CTTNBP2: variants seen among roughly 807,000 people sequenced by gnomAD.
The protein encoded by CTTNBP2 is cortactin binding protein 2.
Under a neutral mutation model 156.9 loss-of-function variants are expected in CTTNBP2, and 108 were observed. That is an observed-to-expected ratio of 0.69 (90% confidence interval 0.59 to 0.81). The LOEUF is 0.81. Among genes scored for constraint, CTTNBP2 ranks in the 30% least tolerant of loss-of-function variants. The pLI, the probability that CTTNBP2 is intolerant of heterozygous loss-of-function variation, is 0.00. For missense variants in CTTNBP2, 1,924 were observed against 2,035.4 expected (o/e 0.95, Z 1.05); for synonymous variants, 767 against 751.8 (o/e 1.02, Z -0.33).
chr7:117,743,761 C>CAAAAAAAAAAAAAAAAAAAAAAAAAAAA (rs556372208), intron 14 of CTTNBP2, among the ~76,000 whole-genome samples: 1 of 19,624 alleles, frequency 5.1e-5, no homozygotes, highest in African/African-American at 1.5e-4. Context: ...GACTCTGTCT[C>CAAAAAAAAAAAAAAAAAAAAAAAAAAAA]AAAAAAAAAA....
chr7:117,754,831 T>C (rs192686357), intron 12 of CTTNBP2, among the ~76,000 whole-genome samples: 2 of 152,358 alleles, frequency 1.3e-5, no homozygotes, highest in Non-Finnish European at 2.9e-5. Context: ...CAGACACATA[T>C]ATAAGTGTAC....
At chr7:117,733,408 A>T (rs1482127056) in intron 16 of CTTNBP2, among the ~76,000 whole-genome samples, 1 of 152,212 alleles carries the variant, frequency 6.6e-6, no homozygotes, top group Non-Finnish European at 1.5e-5. Context: ...CTAGCGGGAG[A>T]GGGGTATACT....
At chr7:117,725,011 A>T in intron 18 of CTTNBP2, 41 bp downstream of exon 18, 5 of 1,555,614 alleles carry the variant, frequency 3.2e-6, no homozygotes, top group Non-Finnish European at 4.4e-6. Context: ...GTATTTCACA[A>T]GGGTGTGAAT....
rs769234391 is a variant in CTTNBP2 at position 117,792,527 on chromosome 7, C to T, written c.669G>A (p.Met223Ile). ...AGAGTTGTTTTTCCATCTGAGCTTC[C>T]ATTTCTGTGCTTCTTCGTTTCTCAG... ...LSAEKRRSTE[M>I]EAQMEKQLSE... is the part of the protein sequence containing the mutation. Residue 223 changes from methionine (M) to isoleucine (I), a missense_variant, in exon 4 of 23, where the codon ATG (methionine) becomes ATA (isoleucine). Coordinates refer to ENST00000160373, the MANE Select transcript of CTTNBP2 (RefSeq NM_033427.3). The surrounding 1 kb of genome is among the most constrained non-coding windows in gnomAD (Gnocchi z 4.2). The T allele has an allele frequency of 5.0e-6, 8 of 1,614,148 alleles. No individual in the cohort carries two copies. In the Admixed American group the frequency reaches 1.3e-4, roughly 27 times the overall value.
intron 14 of CTTNBP2, among the ~76,000 whole-genome samples, chr7:117,737,924 G>A (rs184656680): frequency 2.8e-4 from 43 of 152,340 alleles, no homozygotes; most frequent in Admixed American, 2.8e-3. Flanking sequence ...GAAGAATGGA[G>A]CTGGGCAGGA....
intron 2 of CTTNBP2, among the ~76,000 whole-genome samples, chr7:117,848,428 A>AT (rs1802735830): frequency 6.6e-6 from 1 of 152,128 alleles, no homozygotes; most frequent in African/African-American, 2.4e-5. Context: ...AAAAGCACCC[A>AT]TTTATACTCA....
chr7:117,755,665 G>A (rs1796844494), intron 12 of CTTNBP2: 3 of 428,916 alleles, frequency 7.0e-6, no homozygotes, highest in Non-Finnish European at 1.4e-5. Context: ...CTGGCATGTA[G>A]TAAGTATTTA....
chr7:117,722,644 G>A (rs932575100), intron 19 of CTTNBP2, among the ~76,000 whole-genome samples: 2 of 152,026 alleles, frequency 1.3e-5, no homozygotes, highest in African/African-American at 4.8e-5. Flanking sequence ...TATTCATTTT[G>A]TTGATTCTGT....
intron 9 of CTTNBP2, among the ~76,000 whole-genome samples, chr7:117,766,515 ATAATCT>A (rs1392137090): frequency 3.3e-5 from 5 of 152,206 alleles, no homozygotes; most frequent in Admixed American, 1.3e-4. Context: ...GGATTGGGTG[ATAATCT>A]TAATATAAGA....
chr7:117,808,455 C>T (rs764235700), intron 3 of CTTNBP2, among the ~76,000 whole-genome samples: 25 of 152,172 alleles, frequency 1.6e-4, no homozygotes, highest in African/African-American at 5.3e-4. Flanking sequence ...ATTTCCCTGG[C>T]ACACAAATTA....
At chr7:117,785,710 AT>A (rs1418069926) in intron 4 of CTTNBP2, among the ~76,000 whole-genome samples, 1 of 152,192 alleles carries the variant, frequency 6.6e-6, no homozygotes, top group Non-Finnish European at 1.5e-5. Flanking sequence ...TACCATTTGG[AT>A]TTTTAAAATG....
At position 117,745,934 on chromosome 7, in the gene CTTNBP2, T is replaced by G; in HGVS notation, c.3436-4A>C. The G allele has an allele frequency of 6.2e-7, 1 of 1,613,892 alleles. No homozygotes were observed. The highest frequency in any genetic ancestry group is 1.1e-5 in the South Asian group (1 of 91,074). On this transcript the variant is annotated splice_polypyrimidine_tract_variant and splice_region_variant and intron_variant, in intron 13 of 22. Coordinates refer to ENST00000160373, the MANE Select transcript of CTTNBP2 (RefSeq NM_033427.3). ...ATCCTGCAGCCATTTGTCTGTGCTG[T>G]GATAAGAAAATAGGGTGATTAGTTC...
At chr7:117,850,622 C>G (rs1227328848) in intron 2 of CTTNBP2, among the ~76,000 whole-genome samples, 2 of 152,034 alleles carry the variant, frequency 1.3e-5, no homozygotes, top group Non-Finnish European at 2.9e-5. Context: ...ACAAGAGAAA[C>G]ATGGTTATTT....
chr7:117,796,269 C>A (rs1204930969), intron 3 of CTTNBP2, among the ~76,000 whole-genome samples: 1 of 152,180 alleles, frequency 6.6e-6, no homozygotes, highest in Admixed American at 6.5e-5. Context: ...ATATTAAACA[C>A]CTTTTTCTCT....
At chr7:117,735,479 G>A in intron 14 of CTTNBP2, 58 bp from the exon 15 acceptor site, 7 of 1,463,352 alleles carry the variant, frequency 4.8e-6, no homozygotes, top group Non-Finnish European at 6.5e-6. Context: ...TATACAAATT[G>A]GCAAAACTAA....
At chr7:117,785,798 T>C (rs17140425) in intron 4 of CTTNBP2, among the ~76,000 whole-genome samples, 15,399 of 152,288 alleles carry the variant, frequency 0.1, 1,167 homozygotes, top group African/African-American at 0.21. Context: ...AATGGTCACA[T>C]GGGCTTTTGA....
In CTTNBP2 at chr7:117,760,355, C is replaced by A. The variant is rs1219120407; in HGVS notation, c.3172+80G>T. Reference sequence around the variant, plus strand: ...GCTTTGAATGTGCTTAATCAATGAACTAAGAATCAGGTTATGAAACCCACA... The same window carrying A: ...GCTTTGAATGTGCTTAATCAATGAAATAAGAATCAGGTTATGAAACCCACA... On this transcript the variant is annotated intron_variant, in intron 10 of 22. Transcript: ENST00000160373. The A allele has an allele frequency of 1.1e-5, 16 of 1,400,362 alleles. No individual in the cohort carries two copies. The Admixed American group carries it at 2.9e-4, about 26-fold the overall frequency. The allele number at this position is 1,400,362 out of a possible 1,614,324, so 86.7% of individuals were successfully genotyped here. A position where few individuals can be genotyped will look rare whatever the true frequency, so the allele number is the denominator to read the frequency against.
At chr7:117,828,760 A>C (rs769299523) in intron 2 of CTTNBP2, among the ~76,000 whole-genome samples, 2 of 152,228 alleles carry the variant, frequency 1.3e-5, no homozygotes, top group Non-Finnish European at 2.9e-5. Context: ...CTATGTGTAT[A>C]CAATTTTTCT....
intron 2 of CTTNBP2, among the ~76,000 whole-genome samples, chr7:117,854,540 G>A (rs1584556849): frequency 6.6e-6 from 1 of 152,076 alleles, no homozygotes; most frequent in Non-Finnish European, 1.5e-5. Flanking sequence ...CAACCATAAA[G>A]GCTTTTTAAT....
Sources: gnomAD v4.1 joint callset for allele counts (sites outside exome capture counted in the v4.1 genomes callset) on GRCh38, gnomAD v4.1.1 for gene constraint, Gnocchi (gnomAD v3.1) non-coding constraint, MANE v1.5 for transcripts, NCBI Gene and HGNC (gene_info 2026-07-23, HGNC 2026-07-21) for gene names.